The following ELP2 variants were observed in gnomAD, a reference collection of about 807,000 sequenced individuals.
The protein encoded by ELP2 is elongator complex protein 2.
ELP2 carries 90 observed loss-of-function variants against 119.2 expected under a neutral mutation model. The ratio of observed to expected loss-of-function variants is 0.75; its 90% CI spans 0.64 to 0.90. ELP2 has a LOEUF of 0.90. Ranked by LOEUF, ELP2 falls within the 40% of genes least tolerant of loss-of-function variation. The pLI, the probability that ELP2 is intolerant of heterozygous loss-of-function variation, is 0.00. For synonymous variants in ELP2, 339 were observed against 331.0 expected (o/e 1.02, Z -0.26); for missense variants, 921 against 967.8 (o/e 0.95, Z 0.64).
Position 36,174,577 on chromosome 18 carries a change from A to G in ELP2, c.2417A>G (p.His806Arg), listed in dbSNP as rs1044128. The stretch of plus-strand genomic sequence containing the variant: ...GAAGCAGAAGGTGCTGAGTGGTTAC[A>G]CTTTGCAAGCTGTGGTGAAGATCAC... ...QKEAEGAEWL[H>R]FASCGEDHTV... is the part of the protein sequence containing the mutation. Residue 806 changes from histidine to arginine, a missense_variant, in exon 22 of 22, where the codon CAC becomes CGC. Physicochemically the swap from His to Arg is conservative, Grantham distance 29 (BLOSUM62 0). Transcript: ENST00000358232. The G allele has an allele frequency of 1.9e-6, 3 of 1,614,082 alleles. No individual in the cohort carries two copies. Among genetic ancestry groups the G allele is most frequent in the Non-Finnish European group, 2.5e-6 (3 of 1,180,026 alleles).
intron 1 of ELP2, 28 bp downstream of exon 1, chr18:36,130,099 C>T (rs531218602): frequency 2.5e-6 from 4 of 1,613,802 alleles, no homozygotes; most frequent in East Asian, 2.2e-5. Context: ...ACGGCCGACC[C>T]TTGTGCTTTT....
chr18:36,178,072 C>G lies in ELP2; in HGVS notation c.*3431C>G, dbSNP rs1313162320. On this transcript the variant is annotated 3_prime_UTR_variant, in exon 22 of 22. Coordinates refer to ENST00000358232, the MANE Select transcript of ELP2 (RefSeq NM_018255.4). ...ACAAAGCTGTTGCTGCTAGTGGGAA[C>G]AGCCCTGATGTCCATGTAACAAGCT... 6.6e-6 allele frequency: 1 copy of G among 152,174 alleles called. No homozygotes were observed. Among genetic ancestry groups the G allele is most frequent in the African/African-American group, 2.4e-5 (1 of 41,442 alleles). 9.4% of individuals were successfully genotyped at this position (152,174 alleles called of 1,614,324 possible).
At position 36,140,386 on chromosome 18, in the gene ELP2, G is replaced by A. The variant is rs185745049; in HGVS notation, c.524-751G>A. Among the ~76,000 whole-genome samples the A allele has an allele frequency of 2.2e-3, 337 of 151,874 alleles. 2 individuals are homozygous for A. The highest frequency in any genetic ancestry group is 7.4e-3 in the African/African-American group (308 of 41,394). Reference sequence around the variant, plus strand: ...TTGGGGGATGGAGTCTCGCTCCGTCGCCCAGGCTGGAGTGCAGTGGTGCAA... The same window carrying A: ...TTGGGGGATGGAGTCTCGCTCCGTCACCCAGGCTGGAGTGCAGTGGTGCAA... On this transcript the variant is annotated intron_variant, in intron 5 of 21. Transcript: ENST00000358232.
At chr18:36,163,844 T>C (rs375289810) in intron 17 of ELP2, among the ~76,000 whole-genome samples, 1 of 152,198 alleles carries the variant, frequency 6.6e-6, no homozygotes, top group African/African-American at 2.4e-5. Context: ...GTAACGATAG[T>C]GTTTTAATAA....
rs1222264910 is a variant in ELP2, at chr18:36,176,482, C to G, written c.*1841C>G. The G allele has an allele frequency of 6.6e-6, 1 of 152,100 alleles. No homozygotes were observed. The highest frequency in any genetic ancestry group is 1.5e-5 in the Non-Finnish European group (1 of 68,054). The allele number at this position is 152,100 out of a possible 1,614,324, so 9.4% of individuals were successfully genotyped here. A position where few individuals can be genotyped will look rare whatever the true frequency, so the allele number is the denominator to read the frequency against. ...CCTAACTTAGTCCTTTAGCTTTCCTCCCAGCACAGAACTCCCAAGGTTATC... is the reference window on the plus strand; with the variant it reads ...CCTAACTTAGTCCTTTAGCTTTCCTGCCAGCACAGAACTCCCAAGGTTATC... On this transcript the variant is annotated 3_prime_UTR_variant, in exon 22 of 22. Transcript: ENST00000358232.
At chr18:36,154,295 C>T (rs1262518347) in intron 11 of ELP2, among the ~76,000 whole-genome samples, 1 of 152,148 alleles carries the variant, frequency 6.6e-6, no homozygotes, top group Non-Finnish European at 1.5e-5. Flanking sequence ...TTGCAGGCTT[C>T]TTAGTAGGTG....
chr18:36,138,248 T>G, intron 3 of ELP2, 22 bp from the exon 4 acceptor site: 1 of 1,613,992 alleles, frequency 6.2e-7, no homozygotes, highest in Non-Finnish European at 8.5e-7. Flanking sequence ...TCACAATGCT[T>G]CTGTCATTCT....
chr18:36,158,736 A>G, intron 13 of ELP2, 99 bp from the exon 14 acceptor site: 2 of 837,830 alleles, frequency 2.4e-6, no homozygotes, highest in Non-Finnish European at 3.9e-6. Context: ...TATGAGCGTG[A>G]CTTTTTTGTA....
chr18:36,146,116 A>G (rs2144653611), intron 10 of ELP2, 68 bp downstream of exon 10: 1 of 1,575,248 alleles, frequency 6.3e-7, no homozygotes, highest in South Asian at 1.1e-5. Flanking sequence ...TCCCAAGTCT[A>G]TATTGATAGA....
At chr18:36,170,237 G>A (rs1434791084) in intron 20 of ELP2, 41 bp downstream of exon 20, 2 of 1,613,050 alleles carry the variant, frequency 1.2e-6, no homozygotes, top group Non-Finnish European at 1.7e-6. Flanking sequence ...AGGACCACTT[G>A]GTTTCTTAAT....
intron 3 of ELP2, 59 bp downstream of exon 3, chr18:36,136,436 G>C: frequency 4.3e-6 from 6 of 1,389,672 alleles, no homozygotes; most frequent in Non-Finnish European, 6.1e-6. Context: ...TTTTTTAAGA[G>C]GTAGAGTTTC....
chr18:36,141,607 T>G (rs1290837617), intron 6 of ELP2, among the ~76,000 whole-genome samples: 1 of 152,134 alleles, frequency 6.6e-6, no homozygotes, highest in Non-Finnish European at 1.5e-5. Context: ...GTTGGTTAAC[T>G]CTAAACTCAT....
chr18:36,142,406 G>A, intron 7 of ELP2, 59 bp downstream of exon 7: 1 of 1,351,728 alleles, frequency 7.4e-7, no homozygotes, highest in Non-Finnish European at 1.1e-6. Flanking sequence ...TTACTTCCAA[G>A]AAAGCAGCCT....
chr18:36,155,259 G>GCCCCCCCCCCCCCCCC (rs34711344), intron 12 of ELP2, among the ~76,000 whole-genome samples: 1 of 52,098 alleles, frequency 1.9e-5, no homozygotes, highest in African/African-American at 7.9e-5. Flanking sequence ...GTGATGCACC[G>GCCCCCCCCCCCCCCCC]CCCCTCCCCC....
intron 1 of ELP2, among the ~76,000 whole-genome samples, chr18:36,131,783 T>C (rs1247431028): frequency 6.6e-6 from 1 of 152,178 alleles, no homozygotes; most frequent in Non-Finnish European, 1.5e-5. Flanking sequence ...ATCCCATCTT[T>C]TTGCAGCAGT....
intron 12 of ELP2, 143 bp from the exon 13 acceptor site, chr18:36,156,323 C>G: frequency 1.2e-6 from 1 of 806,332 alleles, no homozygotes; most frequent in South Asian, 1.5e-5. Context: ...TTTACCAATA[C>G]TGCCCAGTTG....
chr18:36,139,734 T>A, intron 5 of ELP2: 1 of 793,786 alleles, frequency 1.3e-6, no homozygotes, highest in Non-Finnish European at 1.9e-6. Flanking sequence ...GTCTCTTATC[T>A]AGCAGAGTCA....
chr18:36,139,639 TTTTA>T (rs1344245856), intron 5 of ELP2: 2 of 1,501,172 alleles, frequency 1.3e-6, no homozygotes, highest in Non-Finnish European at 1.8e-6. Context: ...TTTTTATTGT[TTTTA>T]TTTTTCTTTT....
At chr18:36,172,667 C>T (rs1018175267) in intron 21 of ELP2, among the ~76,000 whole-genome samples, 2 of 152,194 alleles carry the variant, frequency 1.3e-5, no homozygotes, top group African/African-American at 2.4e-5. Flanking sequence ...TCTTCCTGGG[C>T]ACCCTTTCCT....
Sources: allele counts gnomAD v4.1 joint callset (sites outside exome capture counted in the v4.1 genomes callset), GRCh38; gene constraint gnomAD v4.1.1; transcripts MANE v1.5; gene names NCBI Gene and HGNC (gene_info 2026-07-23, HGNC 2026-07-21).